The following TBCA variants were observed in gnomAD, a reference collection of about 807,000 sequenced individuals.
TBCA encodes tubulin folding cofactor A.
A neutral mutation model predicts 15.8 loss-of-function variants in TBCA; 6 were observed. That is an observed-to-expected ratio of 0.38 (90% CI 0.21 to 0.75). The LOEUF (loss-of-function observed/expected upper bound fraction) is 0.75. TBCA is among the 30% of genes least tolerant of loss of function. The pLI is 0.46. For missense variants in TBCA, 90 were observed against 131.2 expected (o/e 0.69, Z 1.53); for synonymous variants, 32 against 42.3 (o/e 0.76, Z 0.94).
chr5:77,694,455 T>C (rs1322235559), intron 2 of TBCA, among the ~76,000 whole-genome samples: 3 of 151,794 alleles, frequency 2.0e-5, no homozygotes, highest in Admixed American at 6.6e-5. Flanking sequence ...CATCAAATCA[T>C]GAAAGAAAAA....
intron 2 of TBCA, among the ~76,000 whole-genome samples, chr5:77,701,469 T>C (rs992318223): frequency 2.0e-5 from 3 of 151,872 alleles, no homozygotes; most frequent in African/African-American, 7.2e-5. Flanking sequence ...GCTGGGAATG[T>C]AAACTAGCAC....
At chr5:77,692,701 AT>A in intron 3 of TBCA, 2 of 989,064 alleles carry the variant, frequency 2.0e-6, no homozygotes, top group East Asian at 1.1e-4. Flanking sequence ...CTTAGATAGT[AT>A]TTTAACAGTT....
At chr5:77,714,640 T>G (rs1360309830) in intron 1 of TBCA, among the ~76,000 whole-genome samples, 2 of 151,724 alleles carry the variant, frequency 1.3e-5, no homozygotes, top group South Asian at 4.2e-4. Context: ...AATCTCAGCC[T>G]ACTGCAAGCT....
intron 1 of TBCA, among the ~76,000 whole-genome samples, chr5:77,760,033 C>A (rs1333631548): frequency 6.6e-6 from 1 of 152,188 alleles, no homozygotes; most frequent in African/African-American, 2.4e-5. Context: ...ATAGGTTTAT[C>A]TGCCCTTTTT....
chr5:77,765,940 C>G (rs1457325496), intron 1 of TBCA, among the ~76,000 whole-genome samples: 5 of 142,884 alleles, frequency 3.5e-5, no homozygotes, highest in African/African-American at 1.1e-4. Flanking sequence ...AGAATAAAAA[C>G]ATACATTCGT....
chr5:77,707,591 C>T (rs1288182218), intron 2 of TBCA, among the ~76,000 whole-genome samples: 2 of 152,076 alleles, frequency 1.3e-5, no homozygotes, highest in Non-Finnish European at 2.9e-5. Context: ...GATGTAACCT[C>T]ATTTCTTGAT....
intron 1 of TBCA, among the ~76,000 whole-genome samples, chr5:77,747,070 G>A (rs1747203278): frequency 6.6e-6 from 1 of 152,052 alleles, no homozygotes; most frequent in Non-Finnish European, 1.5e-5. Flanking sequence ...GAGGGAGTCA[G>A]CATTAAAAGT....
chr5:77,770,743 A>C (rs1010313310), intron 1 of TBCA, among the ~76,000 whole-genome samples: 2 of 152,064 alleles, frequency 1.3e-5, no homozygotes, highest in Non-Finnish European at 2.9e-5. Flanking sequence ...AAAAAAGAAA[A>C]AAAACAAAGA....
chr5:77,760,209 G>T (rs1344385114), intron 1 of TBCA, among the ~76,000 whole-genome samples: 1 of 152,188 alleles, frequency 6.6e-6, no homozygotes, highest in Non-Finnish European at 1.5e-5. Context: ...AAACTGAAAG[G>T]CTAAAGCTGA....
intron 2 of TBCA, among the ~76,000 whole-genome samples, chr5:77,695,429 T>C (rs1745851512): frequency 6.6e-6 from 1 of 152,134 alleles, no homozygotes; most frequent in African/African-American, 2.4e-5. Flanking sequence ...TCTAGGTGTA[T>C]TAACATGAAA....
chr5:77,726,403 T>C (rs1746631872), intron 1 of TBCA, among the ~76,000 whole-genome samples: 1 of 152,228 alleles, frequency 6.6e-6, no homozygotes, highest in South Asian at 2.1e-4. Context: ...AAAACAGATT[T>C]CTTCATTACA....
At chr5:77,761,274 A>G (rs1252829853) in intron 1 of TBCA, among the ~76,000 whole-genome samples, 1 of 152,154 alleles carries the variant, frequency 6.6e-6, no homozygotes, top group Non-Finnish European at 1.5e-5. Context: ...AGGAGACTCC[A>G]TTTTGTTCTG....
chr5:77,738,472 C>T (rs1280519652), intron 1 of TBCA, among the ~76,000 whole-genome samples: 4 of 152,206 alleles, frequency 2.6e-5, no homozygotes, highest in South Asian at 2.1e-4. Flanking sequence ...CCTGTTCCAG[C>T]GCTGCAAACA....
In TBCA at chr5:77,775,116, C is replaced by T. The variant is rs79939365; in HGVS notation, c.53+1089G>A. Among the ~76,000 whole-genome samples, 486 of 152,258 alleles carry T rather than the reference C, an allele frequency of 3.2e-3. 17 individuals carry two copies. In the East Asian group the frequency reaches 0.052, roughly 16 times the overall value. ...GCAATGTAAATTGATAGCTTATCTT[C>T]ACAGGTATGGGACAAAGAACAGAAC... On this transcript the variant is annotated intron_variant, in intron 1 of 3. Coordinates refer to ENST00000380377, the MANE Select transcript of TBCA (RefSeq NM_004607.3).
chr5:77,728,496 A>G (rs1746680964), intron 1 of TBCA, among the ~76,000 whole-genome samples: 16 of 152,308 alleles, frequency 1.1e-4, no homozygotes, highest in Admixed American at 9.8e-4. Flanking sequence ...AGGGAAAGGA[A>G]AGAACCATGT....
At chr5:77,767,754 G>A (rs558272956) in intron 1 of TBCA, among the ~76,000 whole-genome samples, 29 of 152,208 alleles carry the variant, frequency 1.9e-4, no homozygotes, top group African/African-American at 6.7e-4. Context: ...CAAGTTCCAG[G>A]GTCTCTCCTG....
intron 1 of TBCA, among the ~76,000 whole-genome samples, chr5:77,748,893 A>C (rs189626053): frequency 1.0e-3 from 152 of 152,326 alleles, no homozygotes; most frequent in African/African-American, 3.4e-3. Flanking sequence ...GGAAGAGAAA[A>C]TACATTTACA....
chr5:77,730,504 T>C lies in TBCA; in HGVS notation c.54-22157A>G, dbSNP rs1746742199. ...AGTTGTTTTTATGCCACCCAGTTTG[T>C]GGTAATTTGGTTATGGCAGTCCTAA... On this transcript the variant is annotated intron_variant, in intron 1 of 3. Transcript: ENST00000380377. Among the ~76,000 whole-genome samples the C allele has an allele frequency of 2.0e-5, 3 of 152,224 alleles. No homozygotes were observed. The South Asian group carries it at 6.2e-4, about 31-fold the overall frequency.
intron 1 of TBCA, among the ~76,000 whole-genome samples, chr5:77,753,713 T>A (rs1747408978): frequency 6.6e-6 from 1 of 152,212 alleles, no homozygotes; most frequent in South Asian, 2.1e-4. Flanking sequence ...CAAAGTTCAA[T>A]TTTAACAAAA....
Sources: allele counts gnomAD v4.1 joint callset (sites outside exome capture counted in the v4.1 genomes callset), GRCh38; gene constraint gnomAD v4.1.1; transcripts MANE v1.5; gene names NCBI Gene and HGNC (gene_info 2026-07-23, HGNC 2026-07-21).